Variants in ADAMTS12 observed in about 807,000 individuals in gnomAD.
ADAMTS12 encodes the protein A disintegrin and metalloproteinase with thrombospondin motifs 12.
Under a neutral mutation model 167.8 loss-of-function variants are expected in ADAMTS12, and 118 were observed. That is an observed-to-expected ratio of 0.70 (90% CI 0.61 to 0.82). ADAMTS12 has a LOEUF of 0.82. ADAMTS12 is among the 40% of genes least tolerant of loss of function. The probability of loss-of-function intolerance (pLI) is 0.00; values close to 1 mark genes in which losing one functional copy is unlikely to be tolerated. For synonymous variants in ADAMTS12, 704 were observed against 716.9 expected, an observed-to-expected ratio of 0.98 and a Z score of 0.29; for missense variants, 1,916 against 1,998.8, an observed-to-expected ratio of 0.96 and a Z score of 0.79.
At chr5:33,851,179 G>A (rs1204689822) in intron 2 of ADAMTS12, among the ~76,000 whole-genome samples, 5 of 152,168 alleles carry the variant, frequency 3.3e-5, no homozygotes, top group Non-Finnish European at 5.9e-5. Context: ...TTGGGAGGCC[G>A]AGGCAGGCAG....
intron 12 of ADAMTS12, 45 bp downstream of exon 12, chr5:33,637,532 A>G (rs990456069): frequency 5.1e-6 from 8 of 1,566,040 alleles, no homozygotes; most frequent in Non-Finnish European, 6.1e-6. Context: ...ATGCTTTGAG[A>G]ATGGCTGTTC....
chr5:33,576,590 T>A lies in ADAMTS12; in HGVS notation c.3436A>T (p.Thr1146Ser), dbSNP rs890330808. ...TCCATTTCTGGACCTTTGGTCAAGG[T>A]ATTGTAAAATGGAGTCACAGGCCAA... ...ITWPVTPFYN[T>S]LTKGPEMEIH... The change falls in exon 19 of 24, where the codon ACC (threonine) becomes TCC (serine). Residue 1146 changes from threonine to serine, a missense_variant. By Grantham distance (58) the Thr-to-Ser change is moderately conservative. Coordinates refer to ENST00000504830, the MANE Select transcript of ADAMTS12 (RefSeq NM_030955.4). The A allele has an allele frequency of 6.2e-7, 1 of 1,614,192 alleles. No homozygotes were observed. Among genetic ancestry groups the A allele is most frequent in the Middle Eastern group, 1.6e-4 (1 of 6,062 alleles).
intron 3 of ADAMTS12, among the ~76,000 whole-genome samples, chr5:33,704,868 G>A (rs1366326344): frequency 1.3e-5 from 2 of 151,686 alleles, no homozygotes; most frequent in African/African-American, 2.4e-5. Flanking sequence ...TTTTTGTTTC[G>A]TTACCTATAC....
intron 2 of ADAMTS12, among the ~76,000 whole-genome samples, chr5:33,837,761 A>G (rs1451420974): frequency 1.3e-5 from 2 of 152,250 alleles, no homozygotes; most frequent in Non-Finnish European, 2.9e-5. Flanking sequence ...CCTGGATCCA[A>G]TCACTGAGTT....
At chr5:33,833,516 A>G (rs1748388038) in intron 2 of ADAMTS12, among the ~76,000 whole-genome samples, 8 of 151,432 alleles carry the variant, frequency 5.3e-5, no homozygotes, top group Admixed American at 5.2e-4. Flanking sequence ...ACATCTCTTC[A>G]AAAACCTCCC....
chr5:33,720,207 AT>A (rs1743758127), intron 3 of ADAMTS12, among the ~76,000 whole-genome samples: 1 of 151,556 alleles, frequency 6.6e-6, no homozygotes, highest in Non-Finnish European at 1.5e-5. Context: ...AATGAAAGGG[AT>A]TTTTTGGCAT....
At chr5:33,616,860 C>A (rs1739043617) in intron 14 of ADAMTS12, among the ~76,000 whole-genome samples, 1 of 152,194 alleles carries the variant, frequency 6.6e-6, no homozygotes, top group Admixed American at 6.5e-5. Flanking sequence ...TGGTAAGAGG[C>A]ATACTGGTGA....
intron 2 of ADAMTS12, among the ~76,000 whole-genome samples, chr5:33,879,104 G>GCA (rs1750333261): frequency 1.3e-5 from 2 of 152,082 alleles, no homozygotes; most frequent in Admixed American, 1.3e-4. Context: ...GGTGATGGCT[G>GCA]CACAACTCTG....
At chr5:33,695,945 G>A (rs1227902994) in intron 3 of ADAMTS12, among the ~76,000 whole-genome samples, 1 of 152,140 alleles carries the variant, frequency 6.6e-6, no homozygotes, top group Non-Finnish European at 1.5e-5. Context: ...ATGTCAAATT[G>A]AATACAGATT....
intron 2 of ADAMTS12, among the ~76,000 whole-genome samples, chr5:33,773,302 T>C (rs1206855352): frequency 2.6e-5 from 4 of 152,348 alleles, no homozygotes; most frequent in South Asian, 2.1e-4. Flanking sequence ...CTATAATAGA[T>C]AGTAGGCAGA....
rs10214038 is a variant in ADAMTS12 at position 33,591,413 on chromosome 5, T to C, written c.2655-2604A>G. Reference sequence around the variant, plus strand: ...GAATTTGTTAAACCCTTGCTGAGAATAGTAATTTCCTTTAAGAAATCAAAT... The same window carrying C: ...GAATTTGTTAAACCCTTGCTGAGAACAGTAATTTCCTTTAAGAAATCAAAT... On this transcript the variant is annotated intron_variant, in intron 17 of 23. Transcript: ENST00000504830. Among the ~76,000 whole-genome samples the C allele has an allele frequency of 9.4e-3, 1,426 of 152,324 alleles. 22 individuals carry two copies. Among genetic ancestry groups the C allele is most frequent in the African/African-American group, 0.033 (1,353 of 41,546 alleles).
At chr5:33,606,356 G>C (rs1402321807) in intron 16 of ADAMTS12, among the ~76,000 whole-genome samples, 1 of 152,222 alleles carries the variant, frequency 6.6e-6, no homozygotes, top group East Asian at 1.9e-4. Context: ...ACAATTGCAG[G>C]AGACACTTAC....
chr5:33,653,960 T>C (rs1187605812), intron 7 of ADAMTS12, among the ~76,000 whole-genome samples: 1 of 152,206 alleles, frequency 6.6e-6, no homozygotes, highest in Admixed American at 6.5e-5. Context: ...TTTTGTTATA[T>C]TCTCACGGGT....
At position 33,527,284 on chromosome 5, in the gene ADAMTS12, C is replaced by T. The variant is rs1743867857; in HGVS notation, c.4689G>A (p.Val1563=). 6.2e-7 allele frequency: 1 copy of T among 1,614,138 alleles called. No homozygotes were observed. The highest frequency in any genetic ancestry group is 2.2e-5 in the East Asian group (1 of 44,870). Residue 1563 remains valine (V), a synonymous_variant, in exon 24 of 24, where the codon GTG becomes GTA. Transcript: ENST00000504830. ...KAMKKCSVPT[V]RAECCFSCPQ... The stretch of plus-strand genomic sequence containing the variant: ...GACACGAGAAGCAGCACTCAGCCCT[C>T]ACGGTGGGCACAGAACATTTCTTCA...
intron 20 of ADAMTS12, among the ~76,000 whole-genome samples, chr5:33,559,703 A>G (rs1396834153): frequency 6.6e-6 from 1 of 152,196 alleles, no homozygotes; most frequent in Non-Finnish European, 1.5e-5. Context: ...CAACATGGTG[A>G]AACCCCATCT....
intron 2 of ADAMTS12, among the ~76,000 whole-genome samples, chr5:33,851,460 T>G (rs1274689018): frequency 6.6e-6 from 1 of 152,182 alleles, no homozygotes; most frequent in East Asian, 1.9e-4. Context: ...TTGTCAAATT[T>G]GAATCTCTTT....
At chr5:33,800,374 T>G (rs1273118774) in intron 2 of ADAMTS12, among the ~76,000 whole-genome samples, 1 of 152,082 alleles carries the variant, frequency 6.6e-6, no homozygotes. Flanking sequence ...CCGGAAGACA[T>G]GAGCTGAGGG....
chr5:33,523,566 G>A lies in ADAMTS12; in HGVS notation c.*3622C>T, dbSNP rs1743676420. 1.3e-5 allele frequency: 2 copies of A among 152,170 alleles called. No individual in the cohort carries two copies. The highest frequency in any genetic ancestry group is 6.5e-5 in the Admixed American group (1 of 15,280). 9.4% of individuals were successfully genotyped at this position (152,170 alleles called of 1,614,324 possible). A position where few individuals can be genotyped will look rare whatever the true frequency, so the allele number is the denominator to read the frequency against. ...TGGCTATTTATTGATGCCACACAGAGGGAGGTTATGATTACAGTCTGGTTT... is the reference window on the plus strand; with the variant it reads ...TGGCTATTTATTGATGCCACACAGAAGGAGGTTATGATTACAGTCTGGTTT... On this transcript the variant is annotated 3_prime_UTR_variant, in exon 24 of 24. Coordinates refer to ENST00000504830, the MANE Select transcript of ADAMTS12 (RefSeq NM_030955.4).
Position 33,524,448 on chromosome 5 carries a change from G to C in ADAMTS12, c.*2740C>G, listed in dbSNP as rs1290201615. ...GCGATGGCCCTCTCTATTTCATAGA[G>C]ATATGTATCCAGTGTCTCCTGATAC... On this transcript the variant is annotated 3_prime_UTR_variant, in exon 24 of 24. Transcript: ENST00000504830. 6.6e-6 allele frequency: 1 copy of C among 152,186 alleles called. No individual in the cohort carries two copies. Among genetic ancestry groups the C allele is most frequent in the Admixed American group, 6.5e-5 (1 of 15,274 alleles). The allele number at this position is 152,186 out of a possible 1,614,324, so 9.4% of individuals were successfully genotyped here.
Sources: gnomAD v4.1 joint callset for allele counts (sites outside exome capture counted in the v4.1 genomes callset) on GRCh38, gnomAD v4.1.1 for gene constraint, MANE v1.5 for transcripts, NCBI Gene and HGNC (gene_info 2026-07-23, HGNC 2026-07-21) for gene names.